The following NIPSNAP2 variants were observed in gnomAD, a reference collection of about 807,000 sequenced individuals.
NIPSNAP2 encodes the protein protein NipSnap homolog 2.
Under a neutral mutation model 48.4 loss-of-function variants are expected in NIPSNAP2, and 42 were observed. The observed-to-expected ratio is 0.87, with a 90% CI of 0.68 to 1.12. The LOEUF (loss-of-function observed/expected upper bound fraction) is 1.12, where lower values mean the gene tolerates loss of function less well. NIPSNAP2 is among the 50% of genes most tolerant of loss of function. The pLI, the probability that NIPSNAP2 is intolerant of heterozygous loss-of-function variation, is 0.00. For missense variants in NIPSNAP2, 314 were observed against 347.3 expected (o/e 0.90, Z 0.76); for synonymous variants, 158 against 126.6 (o/e 1.25, Z -1.67).
chr7:55,979,924 C>G (rs1216062773), intron 3 of NIPSNAP2: 2 of 448,598 alleles, frequency 4.5e-6, no homozygotes, highest in Admixed American at 5.0e-5. Flanking sequence ...TTGGGGTCCC[C>G]AGCAAAGAGG....
At position 55,983,817 on chromosome 7, in the gene NIPSNAP2, T is replaced by G. The variant is rs1229676740; in HGVS notation, c.534T>G (p.Pro178=). 1 of 1,614,078 alleles carries G rather than the reference T, an allele frequency of 6.2e-7. No individual in the cohort carries two copies. Among genetic ancestry groups the G allele is most frequent in the South Asian group, 1.1e-5 (1 of 91,084 alleles). Residue 178 remains proline (P), a synonymous_variant, in exon 6 of 10, where the codon CCT becomes CCG. Transcript: ENST00000322090. ...TGGAGTTCAGTTTCTGGAATGAGCCTGTGCCAAGATCCGGACCTAATATAT... is the reference window on the plus strand; with the variant it reads ...TGGAGTTCAGTTTCTGGAATGAGCCGGTGCCAAGATCCGGACCTAATATAT... ...LLLEFSFWNE[P]VPRSGPNIYE...
intron 8 of NIPSNAP2, 133 bp from the exon 9 acceptor site, chr7:55,997,233 C>T (rs1787580032): frequency 1.7e-6 from 1 of 600,884 alleles, no homozygotes; most frequent in East Asian, 3.0e-5. Context: ...ATTTCCCCAG[C>T]CCAGTATATT....
chr7:55,980,007 CCCCA>C, intron 3 of NIPSNAP2: 1 of 376,454 alleles, frequency 2.7e-6, no homozygotes, highest in South Asian at 2.0e-5. Context: ...CCTTTCTGGA[CCCCA>C]CCTGAATCAT....
intron 7 of NIPSNAP2, among the ~76,000 whole-genome samples, chr7:55,993,467 T>TA (rs1390247076): frequency 3.3e-5 from 5 of 151,212 alleles, no homozygotes; most frequent in Admixed American, 2.7e-4. Context: ...TAATCCCAGC[T>TA]ACTCGGGAGG....
chr7:55,993,960 GCA>G (rs1787503822), intron 7 of NIPSNAP2, among the ~76,000 whole-genome samples: 1 of 151,698 alleles, frequency 6.6e-6, no homozygotes, highest in Admixed American at 6.6e-5. Context: ...AGCTTTGCCT[GCA>G]CTACTGAGGC....
At chr7:55,993,398 C>G (rs912618057) in intron 7 of NIPSNAP2, among the ~76,000 whole-genome samples, 1 of 151,258 alleles carries the variant, frequency 6.6e-6, no homozygotes, top group Non-Finnish European at 1.5e-5. Flanking sequence ...GCCAACATGG[C>G]GAAACCTCAT....
At chr7:55,988,447 C>G (rs948787949) in intron 7 of NIPSNAP2, among the ~76,000 whole-genome samples, 2 of 151,948 alleles carry the variant, frequency 1.3e-5, no homozygotes, top group African/African-American at 2.4e-5. Context: ...ACAGCTGTAA[C>G]TTAAAAGAGA....
At chr7:55,984,736 G>T (rs1381258015) in intron 6 of NIPSNAP2, 111 bp from the exon 7 acceptor site, 20 of 775,696 alleles carry the variant, frequency 2.6e-5, no homozygotes, top group Admixed American at 2.7e-5. Flanking sequence ...AAAAAAAAAA[G>T]GTTTTTTGAA....
intron 4 of NIPSNAP2, chr7:55,981,965 CCCAGG>C (rs1787225702): frequency 2.9e-6 from 1 of 341,322 alleles, no homozygotes. Flanking sequence ...CACCACCACA[CCCAGG>C]TAATTTTTGT....
rs919919329 is a variant in NIPSNAP2 at position 55,964,618 on chromosome 7, G to A, written c.9G>A (p.Ala3=). 1.9e-6 allele frequency: 2 copies of A among 1,043,960 alleles called. No individual in the cohort carries two copies. Among genetic ancestry groups the A allele is most frequent in the African/African-American group, 1.7e-5 (1 of 58,260 alleles). 64.7% of individuals were successfully genotyped at this position (1,043,960 alleles called of 1,614,324 possible). MA[A]RVLRARGAAW... is the part of the protein sequence containing the mutation. ...CCGAGGCGCCGAGCAAGATGGCGGC[G>A]CGAGTGCTGCGCGCCCGCGGAGCGG... The change falls in exon 1 of 10, where the codon GCG becomes GCA. Residue 3 remains alanine (A), a synonymous_variant. Transcript: ENST00000322090.
chr7:55,987,811 G>A (rs1787362757), intron 7 of NIPSNAP2, among the ~76,000 whole-genome samples: 1 of 152,256 alleles, frequency 6.6e-6, no homozygotes, highest in East Asian at 1.9e-4. Context: ...GGCAGAGAGG[G>A]AATACGGAAT....
chr7:55,968,497 T>G (rs1786944745), intron 1 of NIPSNAP2, among the ~76,000 whole-genome samples: 1 of 151,912 alleles, frequency 6.6e-6, no homozygotes, highest in South Asian at 2.1e-4. Flanking sequence ...GTGATTCTCC[T>G]GTCTCAGCCT....
intron 1 of NIPSNAP2, among the ~76,000 whole-genome samples, chr7:55,966,287 A>T (rs1172250108): frequency 6.6e-6 from 1 of 152,164 alleles, no homozygotes; most frequent in Non-Finnish European, 1.5e-5. Context: ...GGATTTCATT[A>T]TACTGTTTCG....
At chr7:55,982,577 T>C (rs1367814397) in intron 5 of NIPSNAP2, among the ~76,000 whole-genome samples, 1 of 149,156 alleles carries the variant, frequency 6.7e-6, no homozygotes, top group Admixed American at 6.7e-5. Context: ...TGAAACACTG[T>C]CTCTACTAAA....
rs1249518656 is a variant in NIPSNAP2 at position 55,972,457 on chromosome 7, A to T, written c.93-5669A>T. Among the ~76,000 whole-genome samples, 557 of 144,876 alleles carry T rather than the reference A, an allele frequency of 3.8e-3. 8 individuals carry two copies. Among genetic ancestry groups the T allele is most frequent in the African/African-American group, 0.013 (528 of 39,226 alleles). On this transcript the variant is annotated intron_variant, in intron 1 of 9. Transcript: ENST00000322090. The stretch of plus-strand genomic sequence containing the variant: ...TTCTTTTTTTTTTTTTTTGAGACAG[A>T]GTTTCACTCTTGTTGCCCAGGCTGG...
intron 8 of NIPSNAP2, 121 bp downstream of exon 8, chr7:55,995,109 A>ACTGTCCCTCT: frequency 1.3e-6 from 1 of 795,534 alleles, no homozygotes; most frequent in Non-Finnish European, 2.2e-6. Flanking sequence ...GACGTCACAG[A>ACTGTCCCTCT]GGGACAGTCT....
intron 7 of NIPSNAP2, among the ~76,000 whole-genome samples, chr7:55,993,369 G>A (rs560456806): frequency 6.6e-6 from 1 of 151,750 alleles, no homozygotes; most frequent in South Asian, 2.1e-4. Context: ...CCGAAGCGGG[G>A]CAGATCGAGA....
intron 1 of NIPSNAP2, among the ~76,000 whole-genome samples, chr7:55,966,172 G>A (rs774991804): frequency 5.3e-5 from 8 of 152,186 alleles, no homozygotes; most frequent in Non-Finnish European, 8.8e-5. Flanking sequence ...AAGTGGAAAC[G>A]CAAACAGACA....
At chr7:55,985,875 C>G (rs1010229705) in intron 7 of NIPSNAP2, among the ~76,000 whole-genome samples, 5 of 151,576 alleles carry the variant, frequency 3.3e-5, no homozygotes, top group Admixed American at 2.0e-4. Context: ...TGGCAAAACC[C>G]CATCTCTACT....
Sources: allele counts gnomAD v4.1 joint callset (sites outside exome capture counted in the v4.1 genomes callset), GRCh38; gene constraint gnomAD v4.1.1; transcripts MANE v1.5; gene names NCBI Gene and HGNC (gene_info 2026-07-23, HGNC 2026-07-21).